Variants in KIAA0825 observed in about 807,000 individuals in gnomAD.
KIAA0825 encodes the protein KIAA0825.
In KIAA0825, 119 loss-of-function variants were observed where a neutral mutation model predicts 147.6. That is an observed-to-expected ratio of 0.81 (90% CI 0.69 to 0.94). KIAA0825 has a LOEUF of 0.94. KIAA0825 is among the 40% of genes least tolerant of loss of function. The pLI is 0.00. For synonymous variants in KIAA0825, 470 were observed against 518.1 expected (o/e 0.91, Z 1.26); for missense variants, 1,381 against 1,472.7 (o/e 0.94, Z 1.02).
At chr5:94,421,159 T>G (rs749563209) in intron 14 of KIAA0825, among the ~76,000 whole-genome samples, 1 of 152,218 alleles carries the variant, frequency 6.6e-6, no homozygotes, top group Non-Finnish European at 1.5e-5. Flanking sequence ...TTGGTCTGTG[T>G]CTTAACTACT....
intron 14 of KIAA0825, among the ~76,000 whole-genome samples, chr5:94,431,008 C>G (rs1352043286): frequency 6.6e-6 from 1 of 152,112 alleles, no homozygotes; most frequent in Admixed American, 6.5e-5. Context: ...AACCTCATCT[C>G]CCAGGAGACT....
rs569927287 is a variant in KIAA0825, at chr5:94,425,020, T to C, written c.2498-7655A>G. ...TGCGAAATCTCCCAACAAAGAAAAG[T>C]ACAAGACCAGAGGGTTTCACTGCCA... On this transcript the variant is annotated intron_variant, in intron 14 of 20. Coordinates refer to ENST00000682413, the MANE Select transcript of KIAA0825 (RefSeq NM_001145678.3). 4.6e-5 allele frequency among the ~76,000 whole-genome samples: 7 copies of C among 152,112 alleles called. No individual in the cohort carries two copies. The South Asian group carries it at 1.0e-3, about 23-fold the overall frequency.
At chr5:94,574,543 C>CAAAAAAA (rs1181241238) in intron 2 of KIAA0825, among the ~76,000 whole-genome samples, 9 of 65,520 alleles carry the variant, frequency 1.4e-4, no homozygotes, top group African/African-American at 2.6e-4. Flanking sequence ...GACTCCATCT[C>CAAAAAAA]AAAAAAAAAA....
chr5:94,277,280 CT>C (rs1777265122), intron 20 of KIAA0825, among the ~76,000 whole-genome samples: 1 of 151,938 alleles, frequency 6.6e-6, no homozygotes, highest in African/African-American at 2.4e-5. Flanking sequence ...AACTAAAGAG[CT>C]TCTGCACAGC....
At chr5:94,611,432 C>G (rs920905901) in intron 1 of KIAA0825, among the ~76,000 whole-genome samples, 2 of 151,958 alleles carry the variant, frequency 1.3e-5, no homozygotes, top group Non-Finnish European at 2.9e-5. Context: ...CTATGACTAA[C>G]CAAATTGATG....
chr5:94,310,480 T>A (rs1272904608), intron 20 of KIAA0825, among the ~76,000 whole-genome samples: 1 of 151,752 alleles, frequency 6.6e-6, no homozygotes, highest in African/African-American at 2.4e-5. Flanking sequence ...TTACTTATAT[T>A]TTTTAAAATA....
intron 20 of KIAA0825, among the ~76,000 whole-genome samples, chr5:94,280,183 G>A (rs2150153513): frequency 6.6e-6 from 1 of 152,136 alleles, no homozygotes; most frequent in East Asian, 1.9e-4. Flanking sequence ...AATTCCAGGT[G>A]AGGGATGATT....
intron 20 of KIAA0825, among the ~76,000 whole-genome samples, chr5:94,270,670 C>A (rs1776941654): frequency 6.6e-6 from 1 of 151,808 alleles, no homozygotes; most frequent in Non-Finnish European, 1.5e-5. Context: ...GTATCACAGA[C>A]CAATGGAGAA....
At chr5:94,407,444 CA>C (rs2150653029) in intron 15 of KIAA0825, among the ~76,000 whole-genome samples, 1 of 152,306 alleles carries the variant, frequency 6.6e-6, no homozygotes, top group East Asian at 1.9e-4. Flanking sequence ...GGAAACAACA[CA>C]AATTCCCATC....
intron 20 of KIAA0825, among the ~76,000 whole-genome samples, chr5:94,252,898 C>T (rs1776037949): frequency 6.6e-6 from 1 of 152,030 alleles, no homozygotes; most frequent in Non-Finnish European, 1.5e-5. Context: ...ACCTTTACTA[C>T]AGCATAACTA....
chr5:94,295,934 TAGC>T (rs1778111608), intron 20 of KIAA0825, among the ~76,000 whole-genome samples: 1 of 152,144 alleles, frequency 6.6e-6, no homozygotes. Flanking sequence ...GTCTGTCCCT[TAGC>T]AGAGCTTGAG....
At chr5:94,538,793 G>A (rs749729777) in intron 2 of KIAA0825, among the ~76,000 whole-genome samples, 1 of 152,182 alleles carries the variant, frequency 6.6e-6, no homozygotes, top group Non-Finnish European at 1.5e-5. Context: ...TGATTCAGAC[G>A]CTACATGAGT....
At chr5:94,575,299 T>C (rs1420053953) in intron 2 of KIAA0825, among the ~76,000 whole-genome samples, 1 of 151,392 alleles carries the variant, frequency 6.6e-6, no homozygotes. Flanking sequence ...GGAAGATCAA[T>C]TAGGAAGATA....
In KIAA0825 at chr5:94,200,350, C is replaced by T. The variant is rs141884992; in HGVS notation, c.3711-46226G>A. On this transcript the variant is annotated intron_variant, in intron 20 of 20. Coordinates refer to ENST00000682413, the MANE Select transcript of KIAA0825 (RefSeq NM_001145678.3). ...TGGCAACCCAGTGCAGGGTTTCTAG[C>T]TTCCTCCCCTGTCAGCCCTGTGGTC... 1.4e-3 allele frequency among the ~76,000 whole-genome samples: 209 copies of T among 152,296 alleles called. 1 individual carries two copies. Among genetic ancestry groups the T allele is most frequent in the African/African-American group, 4.5e-3 (188 of 41,544 alleles).
At chr5:94,479,600 T>A (rs1762266197) in intron 6 of KIAA0825, among the ~76,000 whole-genome samples, 1 of 152,154 alleles carries the variant, frequency 6.6e-6, no homozygotes, top group African/African-American at 2.4e-5. Flanking sequence ...TTTCAACTCA[T>A]TTGGATAAAT....
At chr5:94,546,764 A>G (rs1774468343) in intron 2 of KIAA0825, among the ~76,000 whole-genome samples, 1 of 150,056 alleles carries the variant, frequency 6.7e-6, no homozygotes, top group Non-Finnish European at 1.5e-5. Context: ...GACTACAATA[A>G]ATACCTAATT....
At chr5:94,536,022 C>T (rs1428588878) in intron 3 of KIAA0825, among the ~76,000 whole-genome samples, 1 of 152,142 alleles carries the variant, frequency 6.6e-6, no homozygotes, top group East Asian at 1.9e-4. Context: ...CTGAAATGCA[C>T]ATCATATTTT....
intron 20 of KIAA0825, among the ~76,000 whole-genome samples, chr5:94,310,519 A>G (rs1779066179): frequency 6.6e-6 from 1 of 151,694 alleles, no homozygotes. Flanking sequence ...ATCATGTCAT[A>G]TTTTGTTTTG....
At chr5:94,296,400 A>G (rs1397672862) in intron 20 of KIAA0825, among the ~76,000 whole-genome samples, 1 of 151,910 alleles carries the variant, frequency 6.6e-6, no homozygotes, top group Non-Finnish European at 1.5e-5. Flanking sequence ...CCCCCTTTCC[A>G]AGAGAGTGAA....
Sources: gnomAD v4.1 joint callset for allele counts (sites outside exome capture counted in the v4.1 genomes callset) on GRCh38, gnomAD v4.1.1 for gene constraint, MANE v1.5 for transcripts, NCBI Gene and HGNC (gene_info 2026-07-23, HGNC 2026-07-21) for gene names.